MACROH2A1: variants seen among roughly 807,000 people sequenced by gnomAD.
The protein encoded by MACROH2A1 is core histone macro-H2A.1.
MACROH2A1 carries 2 observed loss-of-function variants against 31.6 expected under a neutral mutation model. The observed-to-expected ratio is 0.06, with a 90% CI of 0.03 to 0.20. The LOEUF (loss-of-function observed/expected upper bound fraction) is 0.20. MACROH2A1 is among the 10% of genes least tolerant of loss of function. The pLI is 1.00. For missense variants in MACROH2A1, 230 were observed against 474.0 expected, an observed-to-expected ratio of 0.49 and a Z score of 4.78; for synonymous variants, 169 against 189.6, an observed-to-expected ratio of 0.89 and a Z score of 0.89.
At chr5:135,374,389 T>C (rs1764584792) in intron 2 of MACROH2A1, among the ~76,000 whole-genome samples, 1 of 152,146 alleles carries the variant, frequency 6.6e-6, no homozygotes, top group Non-Finnish European at 1.5e-5. Flanking sequence ...GATGTCCTGA[T>C]GTAGTTTTCT....
chr5:135,360,678 AG>A (rs1762729323), intron 4 of MACROH2A1, 71 bp from the exon 5 acceptor site: 1 of 1,051,746 alleles, frequency 9.5e-7, no homozygotes, highest in East Asian at 2.4e-5. Flanking sequence ...GCAGCTCCCA[AG>A]CCTCACCCAT....
chr5:135,351,155 C>T (rs1247243218), intron 6 of MACROH2A1: 1 of 400,684 alleles, frequency 2.5e-6, no homozygotes, highest in Non-Finnish European at 4.5e-6. Flanking sequence ...AAAAGAGAAA[C>T]ACACACATGA....
At chr5:135,348,439 G>A (rs896222238) in intron 6 of MACROH2A1, among the ~76,000 whole-genome samples, 1 of 152,256 alleles carries the variant, frequency 6.6e-6, no homozygotes, top group Non-Finnish European at 1.5e-5. Flanking sequence ...ACAAATGTCA[G>A]GCTAGGCCTG....
At chr5:135,342,772 G>T (rs1760119573) in intron 8 of MACROH2A1, among the ~76,000 whole-genome samples, 1 of 152,224 alleles carries the variant, frequency 6.6e-6, no homozygotes, top group Non-Finnish European at 1.5e-5. Context: ...GTCAGGTAGA[G>T]ATGCAGGTTC....
intron 5 of MACROH2A1, chr5:135,358,269 AG>A: frequency 1.0e-6 from 1 of 985,340 alleles, no homozygotes; most frequent in Non-Finnish European, 1.2e-6. Flanking sequence ...GCAGGGGTGT[AG>A]GATTCCAGAA....
At chr5:135,350,220 A>G (rs1185902771) in intron 6 of MACROH2A1, among the ~76,000 whole-genome samples, 1 of 152,104 alleles carries the variant, frequency 6.6e-6, no homozygotes, top group Non-Finnish European at 1.5e-5. Context: ...GTCTAGGATG[A>G]TGTTTCTCAT....
chr5:135,384,200 G>C (rs1259409751), intron 2 of MACROH2A1, among the ~76,000 whole-genome samples: 1 of 152,166 alleles, frequency 6.6e-6, no homozygotes, highest in Non-Finnish European at 1.5e-5. Context: ...ATGTGCTGCT[G>C]ACAGGAACAG....
At chr5:135,358,461 C>A (rs1438473747) in intron 5 of MACROH2A1, 3 of 985,236 alleles carry the variant, frequency 3.0e-6, no homozygotes, top group Non-Finnish European at 3.6e-6. Context: ...ACAGGAAGGG[C>A]AGTTTCTTGG....
chr5:135,360,194 T>A, intron 5 of MACROH2A1: 1 of 389,598 alleles, frequency 2.6e-6, no homozygotes, highest in Non-Finnish European at 4.7e-6. Flanking sequence ...TGATGACCAG[T>A]TTATCCCACA....
chr5:135,378,190 G>A (rs1468189570), intron 2 of MACROH2A1, among the ~76,000 whole-genome samples: 1 of 152,232 alleles, frequency 6.6e-6, no homozygotes, highest in African/African-American at 2.4e-5. Flanking sequence ...ACTGGGCACT[G>A]CCCTCTCCGA....
At chr5:135,346,669 T>G (rs547179569) in intron 6 of MACROH2A1, 1 of 152,452 alleles carries the variant, frequency 6.6e-6, no homozygotes, top group African/African-American at 2.4e-5. Context: ...TTAATTACAC[T>G]AATGATTCAG....
chr5:135,348,011 C>CT (rs1761065193), intron 6 of MACROH2A1, among the ~76,000 whole-genome samples: 1 of 152,154 alleles, frequency 6.6e-6, no homozygotes, highest in African/African-American at 2.4e-5. Flanking sequence ...GGTGTTTTAT[C>CT]TTAGGAAGAG....
chr5:135,345,216 A>G (rs1053302688), intron 7 of MACROH2A1: 3 of 152,240 alleles, frequency 2.0e-5, no homozygotes, highest in African/African-American at 7.2e-5. Flanking sequence ...CTGGGAATAG[A>G]GGTGCACGGC....
intron 5 of MACROH2A1, chr5:135,353,293 A>G: frequency 2.1e-6 from 1 of 481,398 alleles, no homozygotes; most frequent in Non-Finnish European, 3.7e-6. Context: ...AAGGAAGCAC[A>G]AGCCACAGTG....
At chr5:135,337,873 G>A (rs1321663904) in intron 8 of MACROH2A1, 11 of 936,788 alleles carry the variant, frequency 1.2e-5, no homozygotes, top group Admixed American at 5.0e-5. Context: ...GGGTGAACAT[G>A]AATCTGGATT....
At chr5:135,373,287 A>G (rs1274102890) in intron 2 of MACROH2A1, among the ~76,000 whole-genome samples, 1 of 151,582 alleles carries the variant, frequency 6.6e-6, no homozygotes, top group Non-Finnish European at 1.5e-5. Flanking sequence ...AATGAGAATG[A>G]TGGATAAAAA....
chr5:135,378,635 T>C (rs1447352886), intron 2 of MACROH2A1, among the ~76,000 whole-genome samples: 1 of 152,208 alleles, frequency 6.6e-6, no homozygotes, highest in Non-Finnish European at 1.5e-5. Context: ...CCAATTCCTC[T>C]GACTGCTAAG....
At chr5:135,389,282 G>T in intron 1 of MACROH2A1, 156 bp from the exon 2 acceptor site, 1 of 454,072 alleles carries the variant, frequency 2.2e-6, no homozygotes, top group Non-Finnish European at 3.9e-6. Flanking sequence ...GCACTCCGCT[G>T]GAGCAGTTTG....
At chr5:135,388,865 T>G in intron 2 of MACROH2A1, 57 bp downstream of exon 2, 1 of 1,397,522 alleles carries the variant, frequency 7.2e-7, no homozygotes, top group Non-Finnish European at 9.8e-7. Flanking sequence ...TTTGGAGAAC[T>G]ATGAGAACTT....
Sources: gnomAD v4.1 joint callset for allele counts (sites outside exome capture counted in the v4.1 genomes callset) on GRCh38, gnomAD v4.1.1 for gene constraint, MANE v1.5 for transcripts, NCBI Gene and HGNC (gene_info 2026-07-23, HGNC 2026-07-21) for gene names.